Variants in YEATS2 observed in about 807,000 individuals in gnomAD.
The protein encoded by YEATS2 is YEATS domain containing 2.
Under a neutral mutation model 163.2 loss-of-function variants are expected in YEATS2, and 77 were observed. That is an observed-to-expected ratio of 0.47 (90% CI 0.39 to 0.57). YEATS2 has a LOEUF of 0.57. Among genes scored for constraint, YEATS2 ranks in the 20% least tolerant of loss-of-function variants. YEATS2 has a pLI of 0.00. For missense variants in YEATS2, 1,549 were observed against 1,729.8 expected (o/e 0.90, Z 1.85); for synonymous variants, 631 against 645.1 (o/e 0.98, Z 0.33).
chr3:183,715,153 G>A lies in YEATS2; in HGVS notation c.-10G>A, dbSNP rs1416769963. The A allele has an allele frequency of 6.3e-7, 1 of 1,598,492 alleles. No homozygotes were observed. The highest frequency in any genetic ancestry group is 2.2e-5 in the East Asian group (1 of 44,796). On this transcript the variant is annotated 5_prime_UTR_variant, in exon 2 of 31. Transcript: ENST00000305135. ...TATCATTGCTTCACAGTGAAGAACTGAATGTCATCATGTCTGGAATCAAGC... is the reference window on the plus strand; with the variant it reads ...TATCATTGCTTCACAGTGAAGAACTAAATGTCATCATGTCTGGAATCAAGC...
At chr3:183,785,070 C>T (rs1723932906) in intron 19 of YEATS2, among the ~76,000 whole-genome samples, 1 of 151,066 alleles carries the variant, frequency 6.6e-6, no homozygotes, top group African/African-American at 2.4e-5. Flanking sequence ...AAAACTCTGT[C>T]TCAAAAAAAA....
intron 20 of YEATS2, among the ~76,000 whole-genome samples, chr3:183,786,605 G>T (rs1002071147): frequency 2.6e-5 from 4 of 152,018 alleles, no homozygotes; most frequent in Non-Finnish European, 5.9e-5. Context: ...TGTTCTAGGC[G>T]ACCGCTGACC....
chr3:183,713,204 T>G (rs1212872245), intron 1 of YEATS2, among the ~76,000 whole-genome samples: 1 of 152,210 alleles, frequency 6.6e-6, no homozygotes, highest in African/African-American at 2.4e-5. Context: ...GTGATAATAT[T>G]TTAGATATAT....
chr3:183,729,714 C>G (rs1030497111), intron 7 of YEATS2, among the ~76,000 whole-genome samples: 1 of 151,566 alleles, frequency 6.6e-6, no homozygotes, highest in Non-Finnish European at 1.5e-5. Flanking sequence ...TCTTGTCACA[C>G]AGGCTAGAGT....
Position 183,734,365 on chromosome 3 carries a change from A to G in YEATS2, c.813-2353A>G, listed in dbSNP as rs534802863. Among the ~76,000 whole-genome samples, 18 of 152,248 alleles carry G rather than the reference A, an allele frequency of 1.2e-4. No individual in the cohort carries two copies. The South Asian group carries it at 3.7e-3, about 32-fold the overall frequency. On this transcript the variant is annotated intron_variant, in intron 7 of 30. Coordinates refer to ENST00000305135, the MANE Select transcript of YEATS2 (RefSeq NM_018023.5). ...GCTTATTTGCTGTGTGACCTTGGCA[A>G]GTTAGTTGTTCAGCCTCACTGTGTC...
chr3:183,804,877 T>C (rs1041832211), intron 27 of YEATS2, among the ~76,000 whole-genome samples: 8 of 151,816 alleles, frequency 5.3e-5, no homozygotes, highest in African/African-American at 1.9e-4. Context: ...TGGTCCCAGC[T>C]ACTTGGGAGG....
At chr3:183,721,543 G>A (rs184238179) in intron 4 of YEATS2, among the ~76,000 whole-genome samples, 82 of 152,088 alleles carry the variant, frequency 5.4e-4, no homozygotes, top group Non-Finnish European at 9.4e-4. Context: ...TTTCTTTCAG[G>A]GATATTTTAT....
At chr3:183,735,397 A>G (rs907110960) in intron 7 of YEATS2, among the ~76,000 whole-genome samples, 4 of 152,122 alleles carry the variant, frequency 2.6e-5, no homozygotes, top group Non-Finnish European at 5.9e-5. Flanking sequence ...ATCTATACCA[A>G]CGTCACAGCT....
intron 22 of YEATS2, 137 bp from the exon 23 acceptor site, chr3:183,798,754 G>A (rs1250764692): frequency 3.0e-6 from 2 of 666,230 alleles, no homozygotes; most frequent in Non-Finnish European, 5.4e-6. Context: ...TATTAAAAAG[G>A]GACTTTGCAA....
chr3:183,779,777 A>T (rs1190175290), intron 19 of YEATS2, among the ~76,000 whole-genome samples: 1 of 151,900 alleles, frequency 6.6e-6, no homozygotes, highest in Non-Finnish European at 1.5e-5. Context: ...GGCTCACTGC[A>T]GCCTCCGCCT....
At chr3:183,796,485 A>C (rs748885656) in intron 21 of YEATS2, among the ~76,000 whole-genome samples, 11 of 151,342 alleles carry the variant, frequency 7.3e-5, no homozygotes, top group Non-Finnish European at 1.6e-4. Context: ...AAAACGATAG[A>C]GAACATCTGA....
chr3:183,791,442 A>G (rs1724645126), intron 21 of YEATS2, among the ~76,000 whole-genome samples: 1 of 152,226 alleles, frequency 6.6e-6, no homozygotes, highest in Non-Finnish European at 1.5e-5. Context: ...ATTTTTGTTT[A>G]AAATCTACGT....
Position 183,758,366 on chromosome 3 carries a change from A to AAAT in YEATS2, c.1553-489_1553-487dup, listed in dbSNP as rs57751429. Among the ~76,000 whole-genome samples, 139 of 151,300 alleles carry AAAT rather than the reference A, an allele frequency of 9.2e-4. 1 individual carries two copies. The highest frequency in any genetic ancestry group is 3.2e-3 in the African/African-American group (130 of 41,260). On this transcript the variant is annotated intron_variant, in intron 12 of 30. Coordinates refer to ENST00000305135, the MANE Select transcript of YEATS2 (RefSeq NM_018023.5). ...AGCGAGACTCCATCTCAGGAAAAAA[A>AAAT]AATAATAATGTTGGCAGCATTTTGG...
intron 23 of YEATS2, among the ~76,000 whole-genome samples, chr3:183,799,394 T>C (rs960229602): frequency 6.6e-6 from 1 of 152,330 alleles, no homozygotes; most frequent in East Asian, 1.9e-4. Flanking sequence ...GATTATAACC[T>C]GGACTTTAAA....
intron 15 of YEATS2, among the ~76,000 whole-genome samples, chr3:183,762,619 T>C (rs1410682814): frequency 1.3e-5 from 2 of 152,324 alleles, no homozygotes; most frequent in Non-Finnish European, 2.9e-5. Flanking sequence ...TGTTTATTTA[T>C]GGTAGGAGAA....
chr3:183,803,930 AGTTGT>A (rs1192663194), intron 26 of YEATS2, 52 bp from the exon 27 acceptor site: 15 of 1,560,432 alleles, frequency 9.6e-6, no homozygotes, highest in Admixed American at 1.7e-5. Flanking sequence ...CATGATACGT[AGTTGT>A]GTTAAGTGGA....
chr3:183,806,771 T>C, intron 27 of YEATS2, 95 bp from the exon 28 acceptor site: 6 of 1,295,878 alleles, frequency 4.6e-6, no homozygotes, highest in Non-Finnish European at 5.4e-6. Flanking sequence ...CCCCTGATGC[T>C]TATCCCCCTT....
At chr3:183,744,409 G>C (rs1356583011) in intron 8 of YEATS2, among the ~76,000 whole-genome samples, 3 of 151,984 alleles carry the variant, frequency 2.0e-5, no homozygotes, top group South Asian at 2.1e-4. Flanking sequence ...GAGCCACTGC[G>C]CCTGGCCAGT....
rs759027277 is a variant in YEATS2 at position 183,752,134 on chromosome 3, C to T, written c.1031C>T (p.Ser344Leu). Reference sequence around the variant, plus strand: ...GAAGACTGTATCTATCCTCAGTCCTCGGAGTCTGACATCTCTGATGCCCCT... The same window carrying T: ...GAAGACTGTATCTATCCTCAGTCCTTGGAGTCTGACATCTCTGATGCCCCT... ...LGEDCIYPQS[S>L]ESDISDAPPS... is the part of the protein sequence containing the mutation. The change falls in exon 10 of 31, where the codon TCG becomes TTG. Residue 344 changes from serine to leucine, a missense_variant. Coordinates refer to ENST00000305135, the MANE Select transcript of YEATS2 (RefSeq NM_018023.5). The T allele has an allele frequency of 1.7e-5, 28 of 1,614,120 alleles. No individual in the cohort carries two copies. In the South Asian group the frequency reaches 2.1e-4, roughly 12 times the overall value.
Sources: gnomAD v4.1 joint callset for allele counts (sites outside exome capture counted in the v4.1 genomes callset) on GRCh38, gnomAD v4.1.1 for gene constraint, MANE v1.5 for transcripts, NCBI Gene and HGNC (gene_info 2026-07-23, HGNC 2026-07-21) for gene names.